ANTXR2: variants seen among roughly 807,000 people sequenced by gnomAD.
The protein encoded by ANTXR2 is anthrax toxin receptor 2.
In ANTXR2, 44 loss-of-function variants were observed where a neutral mutation model predicts 73.7. The ratio of observed to expected loss-of-function variants is 0.60; its 90% CI spans 0.47 to 0.77. ANTXR2 has a LOEUF of 0.77. Ranked by LOEUF, ANTXR2 falls within the 30% of genes least tolerant of loss-of-function variation. ANTXR2 has a pLI of 0.00. For missense variants in ANTXR2, 604 were observed against 592.5 expected, an observed-to-expected ratio of 1.02 and a Z score of -0.20; for synonymous variants, 217 against 205.9, an observed-to-expected ratio of 1.05 and a Z score of -0.46.
At chr4:80,003,183 T>C (rs1331847027) in intron 12 of ANTXR2, among the ~76,000 whole-genome samples, 1 of 152,026 alleles carries the variant, frequency 6.6e-6, no homozygotes, top group Non-Finnish European at 1.5e-5. Context: ...AATGATAGAT[T>C]GGATTAAGAA....
intron 12 of ANTXR2, among the ~76,000 whole-genome samples, chr4:79,988,049 A>G (rs1282728165): frequency 6.6e-6 from 1 of 151,854 alleles, no homozygotes; most frequent in Non-Finnish European, 1.5e-5. Context: ...AAGCAACTAT[A>G]CAATCAAGTC....
At chr4:80,067,663 C>T (rs1734569358) in intron 3 of ANTXR2, among the ~76,000 whole-genome samples, 1 of 147,592 alleles carries the variant, frequency 6.8e-6, no homozygotes, top group South Asian at 2.2e-4. Context: ...GGGTTGTGGA[C>T]TACCATGGCT....
At chr4:80,037,191 A>G (rs1733018755) in intron 7 of ANTXR2, among the ~76,000 whole-genome samples, 1 of 152,196 alleles carries the variant, frequency 6.6e-6, no homozygotes, top group African/African-American at 2.4e-5. Context: ...CTTTCTTGAC[A>G]TTCCTTTCTT....
At position 79,903,138 on chromosome 4, in the gene ANTXR2, G is replaced by C. The variant is rs1726771585; in HGVS notation, c.*4291C>G. 1 of 141,186 alleles carries C rather than the reference G, an allele frequency of 7.1e-6. No homozygotes were observed. Among genetic ancestry groups the C allele is most frequent in the Admixed American group, 7.3e-5 (1 of 13,764 alleles). The allele number at this position is 141,186 out of a possible 1,614,324, so 8.7% of individuals were successfully genotyped here. On this transcript the variant is annotated 3_prime_UTR_variant, in exon 17 of 17. Coordinates refer to ENST00000403729, the MANE Select transcript of ANTXR2 (RefSeq NM_058172.6). ...AACTCCAGCCTGGGTGACAGAGTGA[G>C]ACTCTGTTTCAAAAAAAAGAAAAAA...
chr4:79,978,145 C>T lies in ANTXR2; in HGVS notation c.1209G>A (p.Glu403=). Residue 403 remains glutamate, a synonymous_variant, in exon 15 of 17, where the codon GAG becomes GAA. Transcript: ENST00000403729. ...TGGCTTTCTCTAGCCTTGCACCTTC[C>T]TCAGTAGATCCTTTATCACCCCAAC... ...EVRWGDKGST[E]EGARLEKAKN... 3 of 1,613,874 alleles carry T rather than the reference C, an allele frequency of 1.9e-6. No individual in the cohort carries two copies. Among genetic ancestry groups the T allele is most frequent in the Non-Finnish European group, 2.5e-6 (3 of 1,179,854 alleles).
chr4:80,036,774 C>A (rs906412282), intron 7 of ANTXR2, among the ~76,000 whole-genome samples: 4 of 152,074 alleles, frequency 2.6e-5, no homozygotes, highest in African/African-American at 9.7e-5. Context: ...GACGACAGAG[C>A]AAGCCTCCGT....
intron 11 of ANTXR2, among the ~76,000 whole-genome samples, chr4:80,009,570 C>T (rs903985280): frequency 7.9e-5 from 12 of 152,162 alleles, no homozygotes; most frequent in Admixed American, 6.5e-4. Context: ...CTTACTGAGG[C>T]CGGGCACAAT....
intron 16 of ANTXR2, among the ~76,000 whole-genome samples, chr4:79,919,253 CA>C (rs1727470930): frequency 6.6e-6 from 1 of 152,080 alleles, no homozygotes; most frequent in Non-Finnish European, 1.5e-5. Context: ...GCCTGTATAG[CA>C]ACATTAGAAT....
chr4:79,915,862 CTATA>C (rs1553925226), intron 16 of ANTXR2, among the ~76,000 whole-genome samples: 11 of 123,878 alleles, frequency 8.9e-5, no homozygotes, highest in African/African-American at 2.7e-4. Flanking sequence ...CTCTCTCTCT[CTATA>C]TATATATATA....
chr4:80,028,049 T>G (rs1284998314), intron 10 of ANTXR2, among the ~76,000 whole-genome samples: 1 of 152,118 alleles, frequency 6.6e-6, no homozygotes, highest in Non-Finnish European at 1.5e-5. Flanking sequence ...CATACACCAT[T>G]TTAAAAGTAA....
intron 12 of ANTXR2, among the ~76,000 whole-genome samples, chr4:79,996,318 T>TATGGGTGG (rs1730723762): frequency 6.7e-6 from 1 of 148,760 alleles, no homozygotes; most frequent in Non-Finnish European, 1.5e-5. Context: ...CGGATGGATA[T>TATGGGTGG]ATGGATGGAT....
At chr4:79,961,472 T>C (rs1729139085) in intron 16 of ANTXR2, among the ~76,000 whole-genome samples, 1 of 152,110 alleles carries the variant, frequency 6.6e-6, no homozygotes, top group Admixed American at 6.5e-5. Flanking sequence ...TCTTGCTCTG[T>C]CACCCAGGCT....
rs70944757 is a variant in ANTXR2, at chr4:79,990,383, C to CAAAAAAAA, written c.1042-5528_1042-5521dup. ...ATCAAGAATTCAATAACAACAGTTA[C>CAAAAAAAA]AAAAAAAAAAAAAAAAAAACACCTT... On this transcript the variant is annotated intron_variant, in intron 12 of 16. Coordinates refer to ENST00000403729, the MANE Select transcript of ANTXR2 (RefSeq NM_058172.6). 5.9e-3 allele frequency among the ~76,000 whole-genome samples: 451 copies of CAAAAAAAA among 76,844 alleles called. 21 individuals carry two copies. The highest frequency in any genetic ancestry group is 0.012 in the South Asian group (21 of 1,806). 50.4% of individuals were successfully genotyped at this position (76,844 alleles called of 152,430 possible).
rs187291021 is a variant in ANTXR2, at chr4:79,913,455, T to C, written c.1429-5988A>G. ...GTCTATAAGTGCATGTCAGCACACA[T>C]GTACAACCTACCTCATGTCCTGTGC... On this transcript the variant is annotated intron_variant, in intron 16 of 16. Transcript: ENST00000403729. Among the ~76,000 whole-genome samples, 12 of 152,298 alleles carry C rather than the reference T, an allele frequency of 7.9e-5. 1 individual carries two copies. In the East Asian group the frequency reaches 2.3e-3, roughly 29 times the overall value.
intron 16 of ANTXR2, among the ~76,000 whole-genome samples, chr4:79,951,313 C>A (rs769375067): frequency 4.6e-5 from 7 of 152,120 alleles, no homozygotes; most frequent in Non-Finnish European, 8.8e-5. Context: ...GGCGTGGTGG[C>A]TCATGCCTAT....
intron 12 of ANTXR2, among the ~76,000 whole-genome samples, chr4:79,990,995 A>T (rs546461989): frequency 1.6e-4 from 25 of 152,186 alleles, no homozygotes; most frequent in African/African-American, 5.8e-4. Flanking sequence ...AAAACCTAAA[A>T]CTCTAAAAGA....
At chr4:80,042,716 C>G (rs1448670936) in intron 7 of ANTXR2, among the ~76,000 whole-genome samples, 2 of 151,980 alleles carry the variant, frequency 1.3e-5, no homozygotes, top group Non-Finnish European at 2.9e-5. Flanking sequence ...AATAACTGTG[C>G]ATGGAAATTC....
rs190805125 is a variant in ANTXR2 at position 79,909,629 on chromosome 4, C to G, written c.1429-2162G>C. On this transcript the variant is annotated intron_variant, in intron 16 of 16. Coordinates refer to ENST00000403729, the MANE Select transcript of ANTXR2 (RefSeq NM_058172.6). ...GTATCAATTATCAGCTGCCAAATGTCTCTAGATATAAGCACCAAAAAAAAA... is the reference window on the plus strand; with the variant it reads ...GTATCAATTATCAGCTGCCAAATGTGTCTAGATATAAGCACCAAAAAAAAA... 1.0e-3 allele frequency among the ~76,000 whole-genome samples: 151 copies of G among 150,600 alleles called. 2 individuals are homozygous for G. The highest frequency in any genetic ancestry group is 3.5e-3 in the African/African-American group (145 of 40,896).
chr4:79,919,491 C>T (rs1727481256), intron 16 of ANTXR2, among the ~76,000 whole-genome samples: 1 of 152,044 alleles, frequency 6.6e-6, no homozygotes, highest in Non-Finnish European at 1.5e-5. Context: ...GACCTACTCT[C>T]AATCTGGGTT....
Sources: allele counts gnomAD v4.1 joint callset (sites outside exome capture counted in the v4.1 genomes callset), GRCh38; gene constraint gnomAD v4.1.1; transcripts MANE v1.5; gene names NCBI Gene and HGNC (gene_info 2026-07-23, HGNC 2026-07-21).